CADPS: variants seen among roughly 807,000 people sequenced by gnomAD.
CADPS encodes the protein calcium-dependent secretion activator 1.
CADPS carries 57 observed loss-of-function variants against 167.3 expected under a neutral mutation model. The ratio of observed to expected loss-of-function variants is 0.34; its 90% CI spans 0.28 to 0.42. The LOEUF is 0.42. CADPS is among the 20% of genes least tolerant of loss of function. The pLI, the probability that CADPS is intolerant of heterozygous loss-of-function variation, is 1.00. For missense variants in CADPS, 1,414 were observed against 1,738.1 expected, an observed-to-expected ratio of 0.81 and a Z score of 3.32; for synonymous variants, 676 against 635.3, an observed-to-expected ratio of 1.06 and a Z score of -0.96.
In CADPS at chr3:62,581,574, G is replaced by C. The variant is rs147887582; in HGVS notation, c.1577+3611C>G. On this transcript the variant is annotated intron_variant, in intron 8 of 29. Coordinates refer to ENST00000383710, the MANE Select transcript of CADPS (RefSeq NM_003716.4). ...TACATGGCTGTAGTCCCAGCTACTT[G>C]GGAGGCTGAGGTGGGAGGACTGCCT... 6.7e-3 allele frequency among the ~76,000 whole-genome samples: 1,023 copies of C among 152,082 alleles called. 12 individuals carry two copies. Among genetic ancestry groups the C allele is most frequent in the African/African-American group, 0.023 (971 of 41,472 alleles).
rs758963001 is a variant in CADPS at position 62,455,847 on chromosome 3, C to T, written c.3636+9520G>A. Among the ~76,000 whole-genome samples the T allele has an allele frequency of 3.9e-5, 6 of 152,300 alleles. No individual in the cohort carries two copies. In the South Asian group the frequency reaches 6.2e-4, roughly 16 times the overall value. On this transcript the variant is annotated intron_variant, in intron 26 of 29. Transcript: ENST00000383710. The surrounding 1 kb of genome is among the most constrained non-coding windows in gnomAD (Gnocchi z 4.4). ...TTGTTGTTACTGAATAGTAATGCTT[C>T]TGCACGAAGGGGTCACTTGTGACCT...
chr3:62,873,048 C>G (rs2082921642), intron 1 of CADPS, among the ~76,000 whole-genome samples: 1 of 152,190 alleles, frequency 6.6e-6, no homozygotes, highest in African/African-American at 2.4e-5. Context: ...GATACTTTTG[C>G]TCTACTGCAG....
intron 3 of CADPS, among the ~76,000 whole-genome samples, chr3:62,728,292 T>C (rs1418096368): frequency 2.0e-5 from 3 of 150,194 alleles, no homozygotes; most frequent in African/African-American, 7.3e-5. Context: ...CCAGCAAAGA[T>C]TGTCCTCCTC....
intron 3 of CADPS, among the ~76,000 whole-genome samples, chr3:62,751,858 G>A (rs79744239): frequency 0.016 from 2,422 of 152,118 alleles, 70 homozygotes; most frequent in African/African-American, 0.055. Context: ...TCATTTTTTA[G>A]GAGAAAACAG....
chr3:62,738,170 T>C (rs2079397962), intron 3 of CADPS, among the ~76,000 whole-genome samples: 1 of 152,210 alleles, frequency 6.6e-6, no homozygotes, highest in South Asian at 2.1e-4. Context: ...CTCACGTTTC[T>C]ATGAGGTTTT....
Position 62,715,753 on chromosome 3 carries a change from C to CTTTTTTTTTTTT in CADPS, c.888+37676_888+37687dup, listed in dbSNP as rs71123291. On this transcript the variant is annotated intron_variant, in intron 3 of 29. Coordinates refer to ENST00000383710, the MANE Select transcript of CADPS (RefSeq NM_003716.4). Reference sequence around the variant, plus strand: ...ATTTCAATTTATAATGATTATAAATCTTTTTTTTTTTTTTTTTTTTTGAGA... The same window carrying CTTTTTTTTTTTT: ...ATTTCAATTTATAATGATTATAAATCTTTTTTTTTTTTTTTTTTTTTTTTTTTTTTTTTGAGA... 6.7e-4 allele frequency among the ~76,000 whole-genome samples: 60 copies of CTTTTTTTTTTTT among 89,694 alleles called. 4 individuals carry two copies. The highest frequency in any genetic ancestry group is 1.0e-3 in the Non-Finnish European group (50 of 48,938). The allele number at this position is 89,694 out of a possible 152,430, so 58.8% of individuals were successfully genotyped here.
chr3:62,442,045 A>G (rs1167377035), intron 27 of CADPS, among the ~76,000 whole-genome samples: 1 of 152,158 alleles, frequency 6.6e-6, no homozygotes, highest in African/African-American at 2.4e-5. Flanking sequence ...AAACAAAAAC[A>G]ATTATGTGCC....
chr3:62,802,606 C>T (rs1460838180), intron 1 of CADPS, among the ~76,000 whole-genome samples: 1 of 152,120 alleles, frequency 6.6e-6, no homozygotes, highest in African/African-American at 2.4e-5. Flanking sequence ...TTTAGAGACC[C>T]TGGATGAAGG....
chr3:62,511,125 T>G (rs571463011), intron 17 of CADPS, among the ~76,000 whole-genome samples: 1 of 152,264 alleles, frequency 6.6e-6, no homozygotes, highest in African/African-American at 2.4e-5. Flanking sequence ...ACCTGTGGAA[T>G]CTTTCTTCTG....
intron 27 of CADPS, among the ~76,000 whole-genome samples, 153 bp downstream of exon 27, chr3:62,445,612 G>A (rs898994944): frequency 2.0e-5 from 3 of 151,072 alleles, no homozygotes; most frequent in Admixed American, 6.6e-5. Context: ...AATATTCTTG[G>A]CTTCTTTCTG....
intron 1 of CADPS, among the ~76,000 whole-genome samples, chr3:62,810,370 A>G (rs1406997357): frequency 1.3e-5 from 2 of 152,200 alleles, no homozygotes; most frequent in African/African-American, 4.8e-5. Flanking sequence ...CACTCAAAGC[A>G]TATTAGTAGT....
rs566163125 is a variant in CADPS at position 62,627,675 on chromosome 3, C to T, written c.1325+18047G>A. On this transcript the variant is annotated intron_variant, in intron 6 of 29. Transcript: ENST00000383710. ...TGTATATATCCACATTACTTATGCT[C>T]ACCTCCTAAGCTGTTAAGAATCTAT... is the stretch of plus-strand genomic sequence containing the variant. Among the ~76,000 whole-genome samples the T allele has an allele frequency of 1.2e-3, 190 of 152,122 alleles. No homozygotes were observed. In the Middle Eastern group the frequency reaches 0.014, roughly 11 times the overall value.
chr3:62,714,153 T>G (rs2083951558), intron 3 of CADPS, among the ~76,000 whole-genome samples: 1 of 152,056 alleles, frequency 6.6e-6, no homozygotes, highest in Non-Finnish European at 1.5e-5. Flanking sequence ...GTAAACAAGG[T>G]CACAGCTAGT....
intron 4 of CADPS, among the ~76,000 whole-genome samples, chr3:62,660,385 T>G (rs552176224): frequency 2.2e-4 from 33 of 152,216 alleles, no homozygotes; most frequent in Non-Finnish European, 4.0e-4. Flanking sequence ...AAAGCTTTAT[T>G]AATGTTTACT....
intron 9 of CADPS, among the ~76,000 whole-genome samples, chr3:62,565,961 T>C (rs916852195): frequency 3.3e-5 from 5 of 152,352 alleles, no homozygotes; most frequent in African/African-American, 1.2e-4. Context: ...GAGACTAATG[T>C]TGGATGTCCT....
rs775850925 is a variant in CADPS at position 62,420,861 on chromosome 3, A to AACACACAC, written c.3777+17235_3777+17242dup. Among the ~76,000 whole-genome samples, 192 of 133,936 alleles carry AACACACAC rather than the reference A, an allele frequency of 1.4e-3. No individual in the cohort carries two copies. The highest frequency in any genetic ancestry group is 7.3e-3 in the East Asian group (34 of 4,634). 87.9% of individuals were successfully genotyped at this position (133,936 alleles called of 152,430 possible). A position where few individuals can be genotyped will look rare whatever the true frequency, so the allele number is the denominator to read the frequency against. ...TTTTCTCTTTATGGGAGGGAGAACG[A>AACACACAC]ACACACACACACACACACACACACA... On this transcript the variant is annotated intron_variant, in intron 28 of 29. Coordinates refer to ENST00000383710, the MANE Select transcript of CADPS (RefSeq NM_003716.4). The surrounding 1 kb of genome is among the most constrained non-coding windows in gnomAD (Gnocchi z 4.1).
intron 9 of CADPS, among the ~76,000 whole-genome samples, chr3:62,568,373 C>T (rs1314806412): frequency 6.6e-6 from 1 of 152,226 alleles, no homozygotes; most frequent in Non-Finnish European, 1.5e-5. Flanking sequence ...AATCAGCTGC[C>T]AGTGCAGCTA....
intron 10 of CADPS, 51 bp from the exon 11 acceptor site, chr3:62,550,166 C>T: frequency 8.3e-6 from 12 of 1,448,416 alleles, no homozygotes; most frequent in Non-Finnish European, 1.2e-5. Context: ...GTGATGTTCT[C>T]AACTGGACTC....
intron 4 of CADPS, among the ~76,000 whole-genome samples, chr3:62,656,795 T>C (rs2071719448): frequency 6.6e-6 from 1 of 152,332 alleles, no homozygotes; most frequent in Admixed American, 6.5e-5. Flanking sequence ...TCAGGCATTA[T>C]AGTTTTCTAG....
Sources: gnomAD v4.1 joint callset for allele counts (sites outside exome capture counted in the v4.1 genomes callset) on GRCh38, gnomAD v4.1.1 for gene constraint, Gnocchi (gnomAD v3.1) non-coding constraint, MANE v1.5 for transcripts, NCBI Gene and HGNC (gene_info 2026-07-23, HGNC 2026-07-21) for gene names.